NOX4: variants seen among roughly 807,000 people sequenced by gnomAD.
NOX4 encodes kidney oxidase-1.
Under a neutral mutation model 87.6 loss-of-function variants are expected in NOX4, and 69 were observed. The observed-to-expected ratio is 0.79, with a 90% CI of 0.65 to 0.96. The LOEUF is 0.96. NOX4 is among the 40% of genes least tolerant of loss of function. The probability of loss-of-function intolerance (pLI) is 0.00; values close to 1 mark genes in which losing one functional copy is unlikely to be tolerated. For missense variants in NOX4, 680 were observed against 681.5 expected (o/e 1.00, Z 0.02); for synonymous variants, 275 against 238.2 (o/e 1.15, Z -1.42).
chr11:89,443,643 C>T (rs1013954495), intron 5 of NOX4: 1 of 153,410 alleles, frequency 6.5e-6, no homozygotes, highest in Admixed American at 6.5e-5. Context: ...GAATTGAATT[C>T]AACATCACTT....
chr11:89,461,642 C>A (rs2135417230), intron 2 of NOX4, among the ~76,000 whole-genome samples: 1 of 33,602 alleles, frequency 3.0e-5, no homozygotes, highest in African/African-American at 3.2e-4. Flanking sequence ...AAGACTCCAT[C>A]TCAAAAAATA....
intron 7 of NOX4, among the ~76,000 whole-genome samples, chr11:89,427,488 G>A (rs560699912): frequency 5.9e-5 from 9 of 152,088 alleles, no homozygotes; most frequent in Non-Finnish European, 1.2e-4. Context: ...AAAATTAGAC[G>A]AATGGCTAAC....
Position 89,335,892 on chromosome 11 carries a change from A to T in NOX4, c.1569T>A (p.Arg523=), listed in dbSNP as rs1424039069. The T allele has an allele frequency of 3.1e-6, 5 of 1,601,534 alleles. No homozygotes were observed. In the East Asian group the frequency reaches 6.8e-5, roughly 22 times the overall value. Residue 523 remains arginine, a synonymous_variant, in exon 17 of 18, where the codon CGT becomes CGA. Transcript: ENST00000263317. ...CATCAAACAAAAGTTTCCACCGAGG[A>T]CGTCCTATAAACAGTCTTGAATTCA... ...HALNSRLFIG[R]PRWKLLFDEI...
At chr11:89,385,405 A>C (rs1474913968) in intron 11 of NOX4, among the ~76,000 whole-genome samples, 1 of 152,178 alleles carries the variant, frequency 6.6e-6, no homozygotes, top group East Asian at 1.9e-4. Flanking sequence ...TCCTCATGGA[A>C]GTTTTTCTCC....
intron 2 of NOX4, among the ~76,000 whole-genome samples, chr11:89,484,814 A>G (rs1322342221): frequency 6.6e-6 from 1 of 152,182 alleles, no homozygotes; most frequent in Non-Finnish European, 1.5e-5. Flanking sequence ...GTTAAGAATA[A>G]AAACAAATAA....
chr11:89,446,548 A>T (rs1457029927), intron 4 of NOX4, among the ~76,000 whole-genome samples: 1 of 152,142 alleles, frequency 6.6e-6, no homozygotes, highest in African/African-American at 2.4e-5. Flanking sequence ...TAAAAAGATG[A>T]ACTCTCAAGC....
chr11:89,423,190 G>A (rs893796346), intron 7 of NOX4, among the ~76,000 whole-genome samples: 4 of 152,014 alleles, frequency 2.6e-5, no homozygotes, highest in Non-Finnish European at 5.9e-5. Flanking sequence ...GCTGCCAATT[G>A]CCCTCTAAAA....
intron 7 of NOX4, among the ~76,000 whole-genome samples, chr11:89,430,523 A>G (rs1943720368): frequency 1.3e-5 from 2 of 152,196 alleles, no homozygotes. Flanking sequence ...ATACAAAATC[A>G]ATGTGCAAAA....
At chr11:89,444,770 C>T (rs1944616338) in intron 4 of NOX4, among the ~76,000 whole-genome samples, 1 of 151,954 alleles carries the variant, frequency 6.6e-6, no homozygotes, top group African/African-American at 2.4e-5. Context: ...TATTCTTAAC[C>T]CAACAGAAAA....
chr11:89,333,911 C>A (rs533509245), intron 17 of NOX4, among the ~76,000 whole-genome samples: 2 of 151,728 alleles, frequency 1.3e-5, no homozygotes, highest in Non-Finnish European at 3.0e-5. Flanking sequence ...TGCACATTTG[C>A]TCTTCTTAAA....
At chr11:89,455,574 T>C (rs1945156649) in intron 2 of NOX4, among the ~76,000 whole-genome samples, 1 of 152,168 alleles carries the variant, frequency 6.6e-6, no homozygotes, top group African/African-American at 2.4e-5. Flanking sequence ...CTCAAGTTTG[T>C]TCAAATATTT....
At chr11:89,516,618 T>A in the NOX4 span, among the ~76,000 whole-genome samples, 1 of 152,110 alleles carries the variant, frequency 6.6e-6, no homozygotes, top group African/African-American at 2.4e-5. Context: ...TCCTATCTGA[T>A]CTCTGACTGC....
upstream of NOX4, among the ~76,000 whole-genome samples, chr11:89,503,038 C>T (rs1947038301): frequency 6.6e-6 from 1 of 151,950 alleles, no homozygotes; most frequent in Non-Finnish European, 1.5e-5. Context: ...GAAAAATACC[C>T]TTTATCTTTA....
chr11:89,371,418 T>C (rs1310148018), intron 12 of NOX4, among the ~76,000 whole-genome samples: 4 of 151,954 alleles, frequency 2.6e-5, no homozygotes, highest in Non-Finnish European at 4.4e-5. Context: ...CTAATAGAGA[T>C]GATTAAAATA....
At chr11:89,335,511 T>G (rs923894155) in intron 17 of NOX4, among the ~76,000 whole-genome samples, 5 of 151,756 alleles carry the variant, frequency 3.3e-5, no homozygotes, top group African/African-American at 9.7e-5. Flanking sequence ...TTTGGAAACA[T>G]GATTTTGAAA....
intron 12 of NOX4, 39 bp from the exon 13 acceptor site, chr11:89,355,082 A>G (rs1178317489): frequency 2.2e-6 from 3 of 1,383,086 alleles, no homozygotes; most frequent in Non-Finnish European, 3.1e-6. Context: ...GTGAAAAGAT[A>G]AAAGTCATGA....
the NOX4 span, among the ~76,000 whole-genome samples, chr11:89,570,534 T>C: frequency 6.6e-6 from 1 of 152,160 alleles, no homozygotes; most frequent in Non-Finnish European, 1.5e-5. Context: ...TTTCAATATA[T>C]ATGTATGTAT....
chr11:89,441,091 C>A (rs1052428743), intron 5 of NOX4, among the ~76,000 whole-genome samples: 1 of 152,098 alleles, frequency 6.6e-6, no homozygotes, highest in Admixed American at 6.6e-5. Context: ...CTACCAAAAC[C>A]GTGAAACTGC....
chr11:89,400,345 T>G lies in NOX4; in HGVS notation c.881A>C (p.Tyr294Ser). Residue 294 changes from tyrosine to serine, a missense_variant, in exon 10 of 18, where the codon TAC becomes TCC. By Grantham distance (144) the Tyr-to-Ser change is moderately radical. Transcript: ENST00000263317. ...WLWISGPLCLYCAERLYRYIR... is the reference protein window; with the variant it reads ...WLWISGPLCLSCAERLYRYIR... ...ATACCTGTAAAGTCTTTCGGCACAG[T>G]ACAGGCACAAAGGTCCAGAAATCCA... The G allele has an allele frequency of 6.2e-7, 1 of 1,602,382 alleles. No individual in the cohort carries two copies. Among genetic ancestry groups the G allele is most frequent in the East Asian group, 2.2e-5 (1 of 44,688 alleles).
Sources: allele counts gnomAD v4.1 joint callset (sites outside exome capture counted in the v4.1 genomes callset), GRCh38; gene constraint gnomAD v4.1.1; transcripts MANE v1.5; gene names NCBI Gene and HGNC (gene_info 2026-07-23, HGNC 2026-07-21).